Variants in STXBP5L observed in about 807,000 individuals in gnomAD.
STXBP5L encodes the protein syntaxin binding protein 5L, also known as syntaxin-binding protein 5-like.
A neutral mutation model predicts 144.5 loss-of-function variants in STXBP5L; 65 were observed. The ratio of observed to expected loss-of-function variants is 0.45; its 90% confidence interval spans 0.37 to 0.55. STXBP5L has a LOEUF of 0.55. Among genes scored for constraint, STXBP5L ranks in the 20% least tolerant of loss-of-function variants. STXBP5L has a pLI of 0.00. For synonymous variants in STXBP5L, 505 were observed against 469.6 expected (o/e 1.08, Z -0.97); for missense variants, 1,298 against 1,405.5 (o/e 0.92, Z 1.22).
intron 20 of STXBP5L, among the ~76,000 whole-genome samples, chr3:121,346,415 T>G (rs1031360762): frequency 2.0e-5 from 3 of 152,118 alleles, no homozygotes; most frequent in Non-Finnish European, 4.4e-5. Flanking sequence ...TAAACATACA[T>G]GTGCATGTGT....
At chr3:121,066,667 G>A (rs961606018) in intron 5 of STXBP5L, among the ~76,000 whole-genome samples, 15 of 152,046 alleles carry the variant, frequency 9.9e-5, no homozygotes, top group African/African-American at 3.1e-4. Context: ...CAAAAGTTTA[G>A]TATGTAAGTT....
chr3:121,050,924 G>A (rs996849150), intron 5 of STXBP5L, among the ~76,000 whole-genome samples: 1 of 151,980 alleles, frequency 6.6e-6, no homozygotes, highest in Admixed American at 6.6e-5. Flanking sequence ...AAAAAAGCAG[G>A]GGTTGCAATC....
Position 121,094,446 on chromosome 3 carries a change from C to A in STXBP5L, c.471-20479C>A, listed in dbSNP as rs559296813. 3.7e-3 allele frequency among the ~76,000 whole-genome samples: 567 copies of A among 152,128 alleles called. 2 individuals carry two copies. The highest frequency in any genetic ancestry group is 3.5e-3 in the Non-Finnish European group (239 of 67,980). ...GTCACTCAGGACTTGCTTTATGAGT[C>A]TGGGTGCTCCTGTATTGGGTGCATA... On this transcript the variant is annotated intron_variant, in intron 5 of 26. Transcript: ENST00000471454.
At chr3:120,985,453 C>A (rs909741471) in intron 3 of STXBP5L, among the ~76,000 whole-genome samples, 1 of 152,024 alleles carries the variant, frequency 6.6e-6, no homozygotes, top group Non-Finnish European at 1.5e-5. Context: ...GCTGTCTTAG[C>A]AATTTTCAAG....
In STXBP5L at chr3:121,041,347, A is replaced by G. The variant is rs1007962475; in HGVS notation, c.288-353A>G. 5.6e-4 allele frequency among the ~76,000 whole-genome samples: 85 copies of G among 152,102 alleles called. 1 individual carries two copies. The highest frequency in any genetic ancestry group is 3.3e-4 in the Admixed American group (5 of 15,238). ...TTAAGTCTCATCTTATGATTTAATT[A>G]TATGAAGTTATTGACTCACTTTGAA... On this transcript the variant is annotated intron_variant, in intron 3 of 26. Coordinates refer to ENST00000471454, the MANE Select transcript of STXBP5L (RefSeq NM_001308330.2).
intron 22 of STXBP5L, among the ~76,000 whole-genome samples, chr3:121,398,730 A>G (rs2046796969): frequency 6.6e-6 from 1 of 152,210 alleles, no homozygotes; most frequent in Non-Finnish European, 1.5e-5. Context: ...AAGTAGCTTT[A>G]TGCAGATTAC....
chr3:121,076,011 C>T (rs990937335), intron 5 of STXBP5L, among the ~76,000 whole-genome samples: 2 of 152,196 alleles, frequency 1.3e-5, no homozygotes. Flanking sequence ...CTATAAGAGC[C>T]TGAGGCTTCT....
intron 22 of STXBP5L, among the ~76,000 whole-genome samples, chr3:121,386,916 AC>A (rs2046440490): frequency 6.6e-6 from 1 of 152,172 alleles, no homozygotes; most frequent in Non-Finnish European, 1.5e-5. Flanking sequence ...TTGTGTATAT[AC>A]CCAGTAATGG....
intron 19 of STXBP5L, among the ~76,000 whole-genome samples, chr3:121,305,147 C>A (rs959166543): frequency 6.6e-6 from 1 of 152,056 alleles, no homozygotes; most frequent in African/African-American, 2.4e-5. Context: ...TAACCCATAT[C>A]ATTAACATTT....
At chr3:120,960,096 A>T (rs966449425) in intron 3 of STXBP5L, among the ~76,000 whole-genome samples, 5 of 152,236 alleles carry the variant, frequency 3.3e-5, no homozygotes, top group African/African-American at 1.2e-4. Context: ...AAGTGGGCAA[A>T]TGATATGAAC....
chr3:121,064,066 T>C (rs1437840429), intron 5 of STXBP5L, among the ~76,000 whole-genome samples: 1 of 152,120 alleles, frequency 6.6e-6, no homozygotes, highest in Non-Finnish European at 1.5e-5. Flanking sequence ...TAGCTCGGTG[T>C]CTGCTCAAAT....
chr3:121,134,432 T>C (rs1325473970), intron 7 of STXBP5L, among the ~76,000 whole-genome samples: 1 of 152,122 alleles, frequency 6.6e-6, no homozygotes, highest in Non-Finnish European at 1.5e-5. Flanking sequence ...TACTTTAAGT[T>C]CTAGGGTACA....
At chr3:120,979,622 A>G (rs1009860275) in intron 3 of STXBP5L, among the ~76,000 whole-genome samples, 7 of 152,140 alleles carry the variant, frequency 4.6e-5, no homozygotes, top group African/African-American at 7.2e-5. Context: ...AAATGCAGAA[A>G]TCACCCATCT....
chr3:121,045,614 C>G, intron 5 of STXBP5L, 79 bp downstream of exon 5: 1 of 1,219,306 alleles, frequency 8.2e-7, no homozygotes, highest in Non-Finnish European at 1.2e-6. Flanking sequence ...ACTTGACAGG[C>G]TTTTTTCCTC....
chr3:121,014,857 A>C (rs1253121263), intron 3 of STXBP5L, among the ~76,000 whole-genome samples: 3 of 152,080 alleles, frequency 2.0e-5, no homozygotes, highest in Admixed American at 6.6e-5. Flanking sequence ...ATATTTAATA[A>C]TTATATTTTT....
intron 5 of STXBP5L, among the ~76,000 whole-genome samples, chr3:121,091,591 A>G (rs369611582): frequency 6.6e-6 from 1 of 152,040 alleles, no homozygotes; most frequent in Admixed American, 6.6e-5. Flanking sequence ...TGAGAAGTGT[A>G]TGTTCATGTC....
At chr3:121,037,961 T>C (rs183546461) in intron 3 of STXBP5L, among the ~76,000 whole-genome samples, 15 of 152,104 alleles carry the variant, frequency 9.9e-5, no homozygotes, top group Admixed American at 8.5e-4. Flanking sequence ...TAATATTTGT[T>C]TGTTGTCTTT....
At chr3:121,282,401 C>T (rs912192400) in intron 19 of STXBP5L, 13 of 1,486,858 alleles carry the variant, frequency 8.7e-6, no homozygotes, top group South Asian at 7.0e-5. Flanking sequence ...TAAATCCATA[C>T]ATCAGTGCTC....
intron 5 of STXBP5L, among the ~76,000 whole-genome samples, chr3:121,114,709 A>G (rs1402222464): frequency 6.6e-6 from 1 of 152,156 alleles, no homozygotes; most frequent in Non-Finnish European, 1.5e-5. Flanking sequence ...ATTAATGCCC[A>G]TATAGGCACT....
Sources: gnomAD v4.1 joint callset for allele counts (sites outside exome capture counted in the v4.1 genomes callset) on GRCh38, gnomAD v4.1.1 for gene constraint, MANE v1.5 for transcripts, NCBI Gene and HGNC (gene_info 2026-07-23, HGNC 2026-07-21) for gene names.